The following LYRM4 variants were observed in gnomAD, a reference collection of about 807,000 sequenced individuals.
LYRM4 encodes LYR motif-containing protein 4.
In LYRM4, 9 loss-of-function variants were observed where a neutral mutation model predicts 11.7. The observed-to-expected ratio is 0.77, with a 90% CI of 0.46 to 1.34. The LOEUF (loss-of-function observed/expected upper bound fraction) is 1.34, where lower values mean the gene tolerates loss of function less well. LYRM4 is among the 40% of genes most tolerant of loss of function. The pLI, the probability that LYRM4 is intolerant of heterozygous loss-of-function variation, is 0.00. For missense variants in LYRM4, 133 were observed against 112.5 expected (o/e 1.18, Z -0.82); for synonymous variants, 42 against 40.4 (o/e 1.04, Z -0.15).
chr6:5,047,415 T>C, the LYRM4 span, among the ~76,000 whole-genome samples: 183 of 152,336 alleles, frequency 1.2e-3, 9 homozygotes, highest in South Asian at 0.037. Flanking sequence ...TTGCATAAGG[T>C]TGATCTTCCA....
chr6:5,080,541 A>G, the LYRM4 span, among the ~76,000 whole-genome samples: 1 of 152,148 alleles, frequency 6.6e-6, no homozygotes, highest in Non-Finnish European at 1.5e-5. Context: ...TGGTCTACTC[A>G]TTCATAATTT....
the LYRM4 span, among the ~76,000 whole-genome samples, chr6:5,049,414 G>A: frequency 7.5e-3 from 1,146 of 152,260 alleles, 13 homozygotes; most frequent in African/African-American, 0.027. Flanking sequence ...TACTGTCCTT[G>A]AGTCTTCCCT....
the LYRM4 span, chr6:5,086,531 T>C: frequency 6.5e-7 from 1 of 1,531,622 alleles, no homozygotes; most frequent in Non-Finnish European, 8.8e-7. Context: ...AACTACACGC[T>C]GCGCTACGCG....
chr6:5,156,395 T>C (rs1758413098), intron 2 of LYRM4, among the ~76,000 whole-genome samples: 1 of 152,220 alleles, frequency 6.6e-6, no homozygotes. Flanking sequence ...GGTATGTATG[T>C]GTGCAAGAGT....
At chr6:5,220,331 T>A (rs1045317039) in intron 1 of LYRM4, among the ~76,000 whole-genome samples, 1 of 152,206 alleles carries the variant, frequency 6.6e-6, no homozygotes. Context: ...CAATGTGTGA[T>A]GTGGAAACCA....
At chr6:5,083,365 G>A in the LYRM4 span, among the ~76,000 whole-genome samples, 1 of 152,210 alleles carries the variant, frequency 6.6e-6, no homozygotes, top group African/African-American at 2.4e-5. Flanking sequence ...AGGAAGACAG[G>A]CCGTGTGCGC....
intron 1 of LYRM4, among the ~76,000 whole-genome samples, chr6:5,257,572 G>A (rs769082900): frequency 6.6e-6 from 1 of 152,218 alleles, no homozygotes; most frequent in Admixed American, 6.5e-5. Context: ...TAGGAACCGG[G>A]CCACACAGCA....
At chr6:5,217,961 G>A (rs1282678552) in intron 1 of LYRM4, among the ~76,000 whole-genome samples, 1 of 152,008 alleles carries the variant, frequency 6.6e-6, no homozygotes, top group African/African-American at 2.4e-5. Flanking sequence ...TGTTGCCCAG[G>A]CAGTGTCATG....
the LYRM4 span, among the ~76,000 whole-genome samples, chr6:5,057,940 T>C: frequency 1.3e-5 from 2 of 152,002 alleles, no homozygotes; most frequent in Non-Finnish European, 2.9e-5. Context: ...TTTGTAGAGA[T>C]GGGGTCACTT....
At chr6:5,070,867 T>TC in the LYRM4 span, among the ~76,000 whole-genome samples, 1 of 103,228 alleles carries the variant, frequency 9.7e-6, no homozygotes, top group Non-Finnish European at 1.9e-5. Flanking sequence ...AGACCCTGTC[T>TC]TGAAAAAAAA....
At chr6:5,253,697 A>G (rs1265338748) in intron 1 of LYRM4, among the ~76,000 whole-genome samples, 1 of 152,106 alleles carries the variant, frequency 6.6e-6, no homozygotes, top group Admixed American at 6.5e-5. Context: ...ACCAATTGAG[A>G]GCAATCATGG....
At chr6:5,141,369 G>A (rs974538624) in intron 2 of LYRM4, among the ~76,000 whole-genome samples, 5 of 152,190 alleles carry the variant, frequency 3.3e-5, no homozygotes, top group Admixed American at 6.5e-5. Context: ...TCTGTAAAGT[G>A]GAGAGTAGGC....
chr6:5,041,370 T>A, the LYRM4 span, among the ~76,000 whole-genome samples: 1 of 152,220 alleles, frequency 6.6e-6, no homozygotes. Context: ...ATATTCCGTT[T>A]GGTTTTTTGT....
chr6:5,260,409 G>A (rs1288825172), intron 1 of LYRM4, among the ~76,000 whole-genome samples: 2 of 152,332 alleles, frequency 1.3e-5, no homozygotes, highest in South Asian at 4.1e-4. Context: ...GCCTTTAGGG[G>A]GAAAACGTCA....
intron 1 of LYRM4, among the ~76,000 whole-genome samples, chr6:5,250,814 A>G (rs1764395432): frequency 6.6e-6 from 1 of 152,236 alleles, no homozygotes; most frequent in South Asian, 2.1e-4. Context: ...GTTCTTACAT[A>G]TGGTATAATA....
In LYRM4 at chr6:5,247,470, T is replaced by A. The variant is rs571444473; in HGVS notation, c.86+13178A>T. ...AGTCAAGCGTAAAGGAGATTTTAGTTAAGAGACACTTTTGCCTATAGAAGT... is the reference window on the plus strand; with the variant it reads ...AGTCAAGCGTAAAGGAGATTTTAGTAAAGAGACACTTTTGCCTATAGAAGT... On this transcript the variant is annotated intron_variant, in intron 1 of 2. Transcript: ENST00000330636. Among the ~76,000 whole-genome samples, 30 of 152,304 alleles carry A rather than the reference T, an allele frequency of 2.0e-4. No homozygotes were observed. In the East Asian group the frequency reaches 5.8e-3, roughly 29 times the overall value.
At chr6:5,205,607 T>C (rs530136333) in intron 2 of LYRM4, among the ~76,000 whole-genome samples, 1 of 152,160 alleles carries the variant, frequency 6.6e-6, no homozygotes, top group Non-Finnish European at 1.5e-5. Flanking sequence ...ACAAAAAACA[T>C]GAACAGCTAT....
At chr6:5,042,299 T>TAA in the LYRM4 span, among the ~76,000 whole-genome samples, 4 of 152,132 alleles carry the variant, frequency 2.6e-5, no homozygotes, top group Non-Finnish European at 5.9e-5. Context: ...AAATGATGTT[T>TAA]AAAAAAATAA....
At chr6:5,148,518 G>GGGGGCAGA (rs1321881105) in intron 2 of LYRM4, among the ~76,000 whole-genome samples, 3 of 54,382 alleles carry the variant, frequency 5.5e-5, no homozygotes, top group Admixed American at 1.7e-4. Flanking sequence ...AGCTGGGCTG[G>GGGGGCAGA]GTATACGCCT....
Sources: gnomAD v4.1 joint callset for allele counts (sites outside exome capture counted in the v4.1 genomes callset) on GRCh38, gnomAD v4.1.1 for gene constraint, MANE v1.5 for transcripts, NCBI Gene and HGNC (gene_info 2026-07-23, HGNC 2026-07-21) for gene names.